SCGB1D4: variants seen among roughly 807,000 people sequenced by gnomAD.
SCGB1D4 encodes the protein IFN-gamma inducible SCGB (IIS).
Under a neutral mutation model 8.1 loss-of-function variants are expected in SCGB1D4, and 6 were observed. The observed-to-expected ratio is 0.74, with a 90% confidence interval of 0.40 to 1.45. The LOEUF (loss-of-function observed/expected upper bound fraction) is 1.45, where lower values mean the gene tolerates loss of function less well. Among genes scored for constraint, SCGB1D4 ranks in the 40% most tolerant of loss-of-function variants. The pLI, the probability that SCGB1D4 is intolerant of heterozygous loss-of-function variation, is 0.02. For missense variants in SCGB1D4, 93 were observed against 95.0 expected (o/e 0.98, Z 0.09); for synonymous variants, 34 against 38.1 (o/e 0.89, Z 0.39).
intron 1 of SCGB1D4, 97 bp from the exon 2 acceptor site, chr11:62,297,755 A>C: frequency 1.1e-6 from 1 of 936,006 alleles, no homozygotes; most frequent in South Asian, 1.6e-5. Context: ...CCTGGGTTCT[A>C]TGTTTCTATA....
chr11:62,298,972 G>GTC lies in SCGB1D4; in HGVS notation c.38_39insGA (p.Leu14ThrfsTer25). ...TGTACTCACCCTGGTAGCAGCAAAG[G>GTC]GCCAGCGAGACCATCAGGAGACACA... On this transcript the variant is annotated frameshift_variant, in exon 1 of 3. Coordinates refer to ENST00000358585, the MANE Select transcript of SCGB1D4 (RefSeq NM_206998.2). LOFTEE classifies it high-confidence loss of function. The GTC allele has an allele frequency of 6.2e-7, 1 of 1,613,938 alleles. No individual in the cohort carries two copies. The highest frequency in any genetic ancestry group is 8.5e-7 in the Non-Finnish European group (1 of 1,179,926).
At chr11:62,297,777 CTGATG>C in intron 1 of SCGB1D4, 119 bp from the exon 2 acceptor site, 3 of 763,302 alleles carry the variant, frequency 3.9e-6, no homozygotes, top group Non-Finnish European at 6.2e-6. Context: ...CATTATTGTG[CTGATG>C]ACAATACCAG....
At chr11:62,296,531 G>T (rs1185552542) in intron 2 of SCGB1D4, 112 bp from the exon 3 acceptor site, 2 of 1,099,984 alleles carry the variant, frequency 1.8e-6, no homozygotes, top group East Asian at 2.4e-5. Flanking sequence ...AATGGCAATT[G>T]GAAAGGCAGA....
chr11:62,298,396 G>T (rs1945461752), intron 1 of SCGB1D4, among the ~76,000 whole-genome samples: 1 of 152,162 alleles, frequency 6.6e-6, no homozygotes, highest in Admixed American at 6.5e-5. Flanking sequence ...AGCTCAGGCA[G>T]AAGAATTCCT....
chr11:62,297,225 A>T (rs1945447337), intron 2 of SCGB1D4, among the ~76,000 whole-genome samples: 1 of 151,944 alleles, frequency 6.6e-6, no homozygotes, highest in African/African-American at 2.4e-5. Flanking sequence ...AATCTCCCAC[A>T]CTCCCTGGGA....
In SCGB1D4 at chr11:62,297,614, A is replaced by G. The variant is rs757050452; in HGVS notation, c.100T>C (p.Phe34Leu). The G allele has an allele frequency of 6.2e-7, 1 of 1,614,098 alleles. No homozygotes were observed. Among genetic ancestry groups the G allele is most frequent in the Non-Finnish European group, 8.5e-7 (1 of 1,180,020 alleles). The change falls in exon 2 of 3, where the codon TTC becomes CTC. Residue 34 changes from phenylalanine (F) to leucine (L), a missense_variant. Transcript: ENST00000358585. ...ACCGCAGCGTCACTTAAGAATAAGA[A>G]GACTGTGATCTCAGAAGCAACAGCT... ...CPAVASEITV[F>L]LFLSDAAVNL... is the part of the protein sequence containing the mutation.
At chr11:62,298,046 GT>G (rs1289799082) in intron 1 of SCGB1D4, among the ~76,000 whole-genome samples, 12 of 67,686 alleles carry the variant, frequency 1.8e-4, no homozygotes, top group East Asian at 1.3e-3. Context: ...GTGTGTGTGT[GT>G]TTTGTTTTGT....
chr11:62,296,773 G>C (rs1211543679), intron 2 of SCGB1D4, among the ~76,000 whole-genome samples: 2 of 152,204 alleles, frequency 1.3e-5, no homozygotes, highest in Non-Finnish European at 2.9e-5. Flanking sequence ...GGGACCCAGG[G>C]CTCTGAAGCC....
At chr11:62,297,412 G>T in intron 2 of SCGB1D4, 60 bp downstream of exon 2, 3 of 1,300,040 alleles carry the variant, frequency 2.3e-6, no homozygotes, top group Non-Finnish European at 3.3e-6. Context: ...CAAGAAACAT[G>T]CAGGAGGCTG....
At position 62,296,294 on chromosome 11, in the gene SCGB1D4, AT is replaced by A; in HGVS notation, c.*115del. ...CCAGTGGAGATGTGCAGGGCAAGTGATTTATTAAAGCAACGTGTTGAAACCT... is the reference window on the plus strand; with the variant it reads ...CCAGTGGAGATGTGCAGGGCAAGTGATTATTAAAGCAACGTGTTGAAACCT... On this transcript the variant is annotated 3_prime_UTR_variant, in exon 3 of 3. Coordinates refer to ENST00000358585, the MANE Select transcript of SCGB1D4 (RefSeq NM_206998.2). The A allele has an allele frequency of 1.1e-6, 1 of 928,878 alleles. No homozygotes were observed. Among genetic ancestry groups the A allele is most frequent in the Non-Finnish European group, 1.8e-6 (1 of 560,616 alleles). The allele number at this position is 928,878 out of a possible 1,614,324, so 57.5% of individuals were successfully genotyped here. A position where few individuals can be genotyped will look rare whatever the true frequency, so the allele number is the denominator to read the frequency against.
In SCGB1D4 at chr11:62,298,039, TGTGTGTG is replaced by T. The variant is rs1565139715; in HGVS notation, c.56-388_56-382del. Among the ~76,000 whole-genome samples the T allele has an allele frequency of 2.1e-3, 315 of 147,100 alleles. 3 individuals are homozygous for T. Among genetic ancestry groups the T allele is most frequent in the African/African-American group, 7.7e-3 (299 of 39,032 alleles). On this transcript the variant is annotated intron_variant, in intron 1 of 2. Transcript: ENST00000358585. ...GTGTGTGTGTGTGTGTGTGTGTGTG[TGTGTGTG>T]TTTTGTTTTGTTTTTTTTTTTTGTA...
At position 62,297,742 on chromosome 11, in the gene SCGB1D4, TC is replaced by T. The variant is rs1945454556; in HGVS notation, c.56-85del. The T allele has an allele frequency of 6.4e-6, 7 of 1,095,966 alleles. No homozygotes were observed. The Middle Eastern group carries it at 9.2e-4, about 143-fold the overall frequency. 67.9% of individuals were successfully genotyped at this position (1,095,966 alleles called of 1,614,324 possible). A position where few individuals can be genotyped will look rare whatever the true frequency, so the allele number is the denominator to read the frequency against. The stretch of plus-strand genomic sequence containing the variant: ...CTCCCTGAGGTTACACCAGACAGGA[TC>T]CCCTGGGTTCTATGTTTCTATACCA... On this transcript the variant is annotated intron_variant, in intron 1 of 2. Coordinates refer to ENST00000358585, the MANE Select transcript of SCGB1D4 (RefSeq NM_206998.2).
chr11:62,297,545 C>T lies in SCGB1D4; in HGVS notation c.169G>A (p.Ala57Thr). ...CAGTGCTTCACTTCCAACTTGGCTGCAAGAGCTTCTGGAGGTGGATTAAGT... is the reference window on the plus strand; with the variant it reads ...CAGTGCTTCACTTCCAACTTGGCTGTAAGAGCTTCTGGAGGTGGATTAAGT... ...AKLNPPPEAL[A>T]AKLEVKHCTD... is the part of the protein sequence containing the mutation. Residue 57 changes from alanine to threonine, a missense_variant, in exon 2 of 3, where the codon GCA becomes ACA. Coordinates refer to ENST00000358585, the MANE Select transcript of SCGB1D4 (RefSeq NM_206998.2). 6.2e-7 allele frequency: 1 copy of T among 1,614,120 alleles called. No individual in the cohort carries two copies.
At chr11:62,298,689 G>T (rs1387951102) in intron 1 of SCGB1D4, among the ~76,000 whole-genome samples, 1 of 149,784 alleles carries the variant, frequency 6.7e-6, no homozygotes, top group African/African-American at 2.5e-5. Context: ...AACCCCGGAG[G>T]CAGAGGTTGC....
chr11:62,298,866 AC>A, intron 1 of SCGB1D4, 89 bp downstream of exon 1: 1 of 1,302,118 alleles, frequency 7.7e-7, no homozygotes, highest in African/African-American at 1.5e-5. Flanking sequence ...TTTTGTGCAG[AC>A]CCCAACCCAA....
rs1033127093 is a variant in SCGB1D4, at chr11:62,299,053, T to G, written c.-43A>C. ...TGAGCTCAGCTTTCACAATGAGTGA[T>G]TTGGATTCGACTCCAGGAGCCTGTG... On this transcript the variant is annotated 5_prime_UTR_variant, in exon 1 of 3. Coordinates refer to ENST00000358585, the MANE Select transcript of SCGB1D4 (RefSeq NM_206998.2). 6.2e-7 allele frequency: 1 copy of G among 1,602,200 alleles called. No homozygotes were observed. Among genetic ancestry groups the G allele is most frequent in the African/African-American group, 1.3e-5 (1 of 74,710 alleles).
chr11:62,297,078 T>C (rs1590682175), intron 2 of SCGB1D4, among the ~76,000 whole-genome samples: 1 of 152,270 alleles, frequency 6.6e-6, no homozygotes, highest in East Asian at 1.9e-4. Flanking sequence ...GTGTCATGGA[T>C]GAGGAGTGGA....
At chr11:62,297,858 CTTCTTT>C (rs1017560535) in intron 1 of SCGB1D4, among the ~76,000 whole-genome samples, 200 bp from the exon 2 acceptor site, 3 of 151,856 alleles carry the variant, frequency 2.0e-5, no homozygotes, top group African/African-American at 7.3e-5. Context: ...CTCAGCTAGA[CTTCTTT>C]TTCTTTTTTT....
chr11:62,297,493 C>A lies in SCGB1D4; in HGVS notation c.221G>T (p.Arg74Leu), dbSNP rs778619087. ...HCTDQISFKKRLSLKKSWWK is the reference protein window; with the variant it reads ...HCTDQISFKKLLSLKKSWWK ...TTACCAGGACTTTTTCAATGAGAGT[C>A]GTTTCTTAAAAGATATCTGATCGGT... The change falls in exon 2 of 3, where the codon CGA becomes CTA. Residue 74 changes from arginine (R) to leucine (L), a missense_variant. Physicochemically the swap from Arg to Leu is moderately radical, Grantham distance 102. Coordinates refer to ENST00000358585, the MANE Select transcript of SCGB1D4 (RefSeq NM_206998.2). 22 of 1,611,224 alleles carry A rather than the reference C, an allele frequency of 1.4e-5. No homozygotes were observed. Among genetic ancestry groups the A allele is most frequent in the South Asian group, 2.2e-5 (2 of 90,382 alleles).
Sources: allele counts gnomAD v4.1 joint callset (sites outside exome capture counted in the v4.1 genomes callset), GRCh38; gene constraint gnomAD v4.1.1; transcripts MANE v1.5; gene names NCBI Gene and HGNC (gene_info 2026-07-23, HGNC 2026-07-21).